The following DNAAF9 variants were observed in gnomAD, a reference collection of about 807,000 sequenced individuals.
DNAAF9 encodes the protein shulin.
Under a neutral mutation model 167.0 loss-of-function variants are expected in DNAAF9, and 90 were observed. The ratio of observed to expected loss-of-function variants is 0.54; its 90% CI spans 0.45 to 0.64. The LOEUF is 0.64. Among genes scored for constraint, DNAAF9 ranks in the 30% least tolerant of loss-of-function variants. DNAAF9 has a pLI of 0.00. For synonymous variants in DNAAF9, 491 were observed against 508.8 expected, an observed-to-expected ratio of 0.96 and a Z score of 0.47; for missense variants, 1,315 against 1,442.2, an observed-to-expected ratio of 0.91 and a Z score of 1.43.
chr20:3,266,284 G>T (rs1277047201), intron 30 of DNAAF9, among the ~76,000 whole-genome samples: 1 of 152,166 alleles, frequency 6.6e-6, no homozygotes, highest in Non-Finnish European at 1.5e-5. Context: ...CCTTTCCATT[G>T]TAAGGTATTT....
chr20:3,280,620 G>A (rs1437613432), intron 28 of DNAAF9, among the ~76,000 whole-genome samples: 1 of 151,700 alleles, frequency 6.6e-6, no homozygotes, highest in Non-Finnish European at 1.5e-5. Flanking sequence ...GGTGAAGGAA[G>A]TCAACTCCTT....
intron 1 of DNAAF9, among the ~76,000 whole-genome samples, chr20:3,400,875 T>C (rs1361439743): frequency 2.0e-5 from 3 of 152,220 alleles, no homozygotes; most frequent in East Asian, 1.9e-4. Context: ...CCTCTATCCC[T>C]GGACCAGAAA....
intron 12 of DNAAF9, among the ~76,000 whole-genome samples, chr20:3,327,431 G>C (rs1049718640): frequency 6.6e-6 from 1 of 152,100 alleles, no homozygotes; most frequent in African/African-American, 2.4e-5. Flanking sequence ...TGCCTTGGAG[G>C]AAGGAGGTGC....
intron 20 of DNAAF9, among the ~76,000 whole-genome samples, chr20:3,308,015 T>C (rs2123003935): frequency 6.9e-6 from 1 of 144,260 alleles, no homozygotes; most frequent in South Asian, 2.2e-4. Flanking sequence ...AAAACCCAGA[T>C]GTCTATGAAC....
chr20:3,306,705 G>A (rs1399148544), intron 20 of DNAAF9, among the ~76,000 whole-genome samples: 1 of 152,018 alleles, frequency 6.6e-6, no homozygotes, highest in African/African-American at 2.4e-5. Flanking sequence ...CAGCTGTGGT[G>A]AATCTGTAGA....
At chr20:3,369,224 T>G (rs943249036) in intron 6 of DNAAF9, among the ~76,000 whole-genome samples, 2 of 152,068 alleles carry the variant, frequency 1.3e-5, no homozygotes, top group Non-Finnish European at 2.9e-5. Context: ...CATACTTAAG[T>G]GATTTAATTT....
At chr20:3,274,967 G>C (rs1476527449) in intron 29 of DNAAF9, among the ~76,000 whole-genome samples, 1 of 152,214 alleles carries the variant, frequency 6.6e-6, no homozygotes, top group East Asian at 1.9e-4. Flanking sequence ...ACCTGTGTTC[G>C]CATGGCCATT....
Position 3,395,287 on chromosome 20 carries a change from C to CT in DNAAF9, c.83+12187dup, listed in dbSNP as rs771147934. Among the ~76,000 whole-genome samples the CT allele has an allele frequency of 5.8e-4, 81 of 139,732 alleles. 1 individual carries two copies. The highest frequency in any genetic ancestry group is 1.6e-3 in the Admixed American group (23 of 14,204). 91.7% of individuals were successfully genotyped at this position (139,732 alleles called of 152,430 possible). ...CGCCTGGCCGAACATTTTCTTTTTT[C>CT]TTTTTTTTTTTCTGAGACAGCCTTG... On this transcript the variant is annotated intron_variant, in intron 1 of 36. Coordinates refer to ENST00000252032, the MANE Select transcript of DNAAF9 (RefSeq NM_001009984.3).
chr20:3,356,052 T>A (rs1247699670), intron 7 of DNAAF9, among the ~76,000 whole-genome samples: 1 of 152,154 alleles, frequency 6.6e-6, no homozygotes, highest in East Asian at 1.9e-4. Flanking sequence ...TTAGACAGAG[T>A]ATCGCTCTGT....
chr20:3,264,573 CTTTT>C (rs758855438), intron 30 of DNAAF9, 49 bp from the exon 31 acceptor site: 13 of 768,440 alleles, frequency 1.7e-5, no homozygotes, highest in East Asian at 2.9e-5. Flanking sequence ...CTGTCAATCT[CTTTT>C]TTTTTTTTCT....
At chr20:3,350,561 C>CA (rs2070303251) in intron 7 of DNAAF9, among the ~76,000 whole-genome samples, 2 of 152,094 alleles carry the variant, frequency 1.3e-5, no homozygotes, top group South Asian at 4.1e-4. Flanking sequence ...AAACCAGCAG[C>CA]AATGAGTACT....
At chr20:3,334,952 T>C (rs565350419) in intron 10 of DNAAF9, among the ~76,000 whole-genome samples, 6 of 152,220 alleles carry the variant, frequency 3.9e-5, no homozygotes, top group Non-Finnish European at 7.3e-5. Context: ...TCCCTTCATC[T>C]AGCACAGTGA....
intron 4 of DNAAF9, among the ~76,000 whole-genome samples, 166 bp downstream of exon 4, chr20:3,376,012 T>C (rs535237156): frequency 1.8e-4 from 28 of 152,196 alleles, no homozygotes; most frequent in Non-Finnish European, 2.1e-4. Flanking sequence ...AATTTATCTA[T>C]AAGGTAGCCT....
rs117093011 is a variant in DNAAF9, at chr20:3,259,002, C to A, written c.3055+478G>T. Among the ~76,000 whole-genome samples the A allele has an allele frequency of 6.2e-3, 940 of 152,330 alleles. 6 individuals are homozygous for A. The highest frequency in any genetic ancestry group is 0.021 in the African/African-American group (887 of 41,576). Reference sequence around the variant, plus strand: ...GTTTTGAGGCCTTCTCTGATGCCCACTCCAGGACAGCAAGGGCTCCAGAGG... The same window carrying A: ...GTTTTGAGGCCTTCTCTGATGCCCAATCCAGGACAGCAAGGGCTCCAGAGG... On this transcript the variant is annotated intron_variant, in intron 33 of 36. Coordinates refer to ENST00000252032, the MANE Select transcript of DNAAF9 (RefSeq NM_001009984.3).
Position 3,294,628 on chromosome 20 carries a change from G to C in DNAAF9, c.2020C>G (p.His674Asp). Residue 674 changes from histidine (H) to aspartate (D), a missense_variant and splice_region_variant, in exon 24 of 37, where the codon CAC becomes GAC. By Grantham distance (81) the His-to-Asp change is moderately conservative. Around this residue, in one of 2 missense-constraint regions of DNAAF9, gnomAD observed 981 missense variants for 1,012.5 expected, o/e 0.97. Coordinates refer to ENST00000252032, the MANE Select transcript of DNAAF9 (RefSeq NM_001009984.3). ...DGLSVEQKRLHSSAQKLFSAL... is the reference protein window; with the variant it reads ...DGLSVEQKRLDSSAQKLFSAL... Reference sequence around the variant, plus strand: ...CTGAAGAGCTTCTGTGCACTGGAGTGCCTGGAATAACAAAAGCTCACAGAT... The same window carrying C: ...CTGAAGAGCTTCTGTGCACTGGAGTCCCTGGAATAACAAAAGCTCACAGAT... 2 of 1,599,512 alleles carry C rather than the reference G, an allele frequency of 1.3e-6. No individual in the cohort carries two copies. Among genetic ancestry groups the C allele is most frequent in the Non-Finnish European group, 1.7e-6 (2 of 1,166,882 alleles).
At chr20:3,288,388 T>C (rs1262911943) in intron 26 of DNAAF9, among the ~76,000 whole-genome samples, 1 of 152,174 alleles carries the variant, frequency 6.6e-6, no homozygotes, top group African/African-American at 2.4e-5. Flanking sequence ...AGGCAGAGGT[T>C]GCAGTGAGCT....
rs1424008498 is a variant in DNAAF9, at chr20:3,287,680, T to C, written c.2438A>G (p.Gln813Arg). 8 of 1,614,130 alleles carry C rather than the reference T, an allele frequency of 5.0e-6. No individual in the cohort carries two copies. The African/African-American group carries it at 1.1e-4, about 22-fold the overall frequency. ...LEAQQNRSARQSAYIRKKTRL... is the reference protein window; with the variant it reads ...LEAQQNRSARRSAYIRKKTRL... ...GGTCTTCTTGCGGATGTAGGCTGAC[T>C]GGCGCGCAGAGCGGTTCTGCTGGGC... The change falls in exon 27 of 37, where the codon CAG becomes CGG. Residue 813 changes from glutamine to arginine, a missense_variant. Gln to Arg is a conservative substitution (Grantham distance 43). Transcript: ENST00000252032.
Position 3,304,453 on chromosome 20 carries a change from G to C in DNAAF9, c.1769C>G (p.Ser590Cys), listed in dbSNP as rs2069251790. The change falls in exon 21 of 37, where the codon TCC becomes TGC. Residue 590 changes from serine (S) to cysteine (C), a missense_variant. Transcript: ENST00000252032. Reference protein sequence around the residue: ...IISKDHMNSISFYDGDSTSTV... With the variant: ...IISKDHMNSICFYDGDSTSTV... The stretch of plus-strand genomic sequence containing the variant: ...TAAAACACCTACCCCATCATAGAAG[G>C]AAATGGAATTCATGTGATCCTTGGA... The C allele has an allele frequency of 6.9e-7, 1 of 1,451,430 alleles. No homozygotes were observed. The highest frequency in any genetic ancestry group is 9.7e-7 in the Non-Finnish European group (1 of 1,032,062). The allele number at this position is 1,451,430 out of a possible 1,614,324, so 89.9% of individuals were successfully genotyped here.
chr20:3,296,037 C>T, intron 23 of DNAAF9: 1 of 1,035,666 alleles, frequency 9.7e-7, no homozygotes. Context: ...TGAAATTTTC[C>T]ACCCTGGTAG....
Sources: allele counts gnomAD v4.1 joint callset (sites outside exome capture counted in the v4.1 genomes callset), GRCh38; gene constraint gnomAD v4.1.1; regional missense constraint gnomAD v4.1.1; transcripts MANE v1.5; gene names NCBI Gene and HGNC (gene_info 2026-07-23, HGNC 2026-07-21).